CDH12: variants seen among roughly 807,000 people sequenced by gnomAD.
The protein encoded by CDH12 is cadherin-12.
CDH12 carries 41 observed loss-of-function variants against 74.1 expected under a neutral mutation model. That is an observed-to-expected ratio of 0.55 (90% CI 0.43 to 0.72). The LOEUF is 0.72. Ranked by LOEUF, CDH12 falls within the 30% of genes least tolerant of loss-of-function variation. The probability of loss-of-function intolerance (pLI) is 0.00; values close to 1 mark genes in which losing one functional copy is unlikely to be tolerated. For synonymous variants in CDH12, 399 were observed against 355.0 expected (o/e 1.12, Z -1.39); for missense variants, 945 against 977.2 (o/e 0.97, Z 0.44).
intron 6 of CDH12, among the ~76,000 whole-genome samples, chr5:21,862,771 A>G (rs923876059): frequency 6.6e-6 from 1 of 152,184 alleles, no homozygotes; most frequent in Non-Finnish European, 1.5e-5. Context: ...TATATTGAAT[A>G]TATGGCCTCT....
At chr5:22,273,100 T>C (rs1259802781) in intron 3 of CDH12, among the ~76,000 whole-genome samples, 1 of 152,060 alleles carries the variant, frequency 6.6e-6, no homozygotes, top group African/African-American at 2.4e-5. Context: ...CCCCAACATG[T>C]GGGGATTACA....
At chr5:22,599,536 T>C (rs1177568397) in intron 1 of CDH12, among the ~76,000 whole-genome samples, 7 of 152,128 alleles carry the variant, frequency 4.6e-5, no homozygotes, top group Admixed American at 4.6e-4. Flanking sequence ...TGAAGTTTTA[T>C]GTCCTTGGAT....
chr5:22,293,468 T>C (rs1037743912), intron 3 of CDH12, among the ~76,000 whole-genome samples: 4 of 152,172 alleles, frequency 2.6e-5, no homozygotes, highest in Non-Finnish European at 5.9e-5. Context: ...CACTATTAGG[T>C]ATATATCCAA....
At position 22,410,438 on chromosome 5, in the gene CDH12, G is replaced by A. The variant is rs143583202; in HGVS notation, c.-427-5087C>T. ...ACTCGCAGGGAAGAAATGTCACTGA[G>A]AGAGGCCAAGAAGAATCTGCACAGA... On this transcript the variant is annotated intron_variant, in intron 2 of 14. Coordinates refer to ENST00000382254, the MANE Select transcript of CDH12 (RefSeq NM_004061.5). Among the ~76,000 whole-genome samples, 1,101 of 152,206 alleles carry A rather than the reference G, an allele frequency of 7.2e-3. 8 individuals carry two copies. The highest frequency in any genetic ancestry group is 0.027 in the Middle Eastern group (8 of 294).
At position 22,276,602 on chromosome 5, in the gene CDH12, C is replaced by G. The variant is rs75590827; in HGVS notation, c.-332-63959G>C. 3.3e-3 allele frequency among the ~76,000 whole-genome samples: 508 copies of G among 152,262 alleles called. 1 individual carries two copies. Among genetic ancestry groups the G allele is most frequent in the African/African-American group, 0.012 (481 of 41,558 alleles). The stretch of plus-strand genomic sequence containing the variant: ...AATAATCATTCACTTTGCAAATGAA[C>G]GTTAACACTTGAAAAATAATAGTTA... On this transcript the variant is annotated intron_variant, in intron 3 of 14. Coordinates refer to ENST00000382254, the MANE Select transcript of CDH12 (RefSeq NM_004061.5).
intron 1 of CDH12, among the ~76,000 whole-genome samples, chr5:22,797,341 G>A (rs570245119): frequency 2.9e-4 from 44 of 152,258 alleles, no homozygotes; most frequent in Non-Finnish European, 5.9e-4. Context: ...CCAGAATGGT[G>A]AGAAGTAAAT....
intron 2 of CDH12, among the ~76,000 whole-genome samples, chr5:22,421,442 G>A (rs1743649163): frequency 6.6e-6 from 1 of 152,038 alleles, no homozygotes; most frequent in Non-Finnish European, 1.5e-5. Flanking sequence ...GCGGTGTTTG[G>A]TTTTCTGTTC....
intron 6 of CDH12, among the ~76,000 whole-genome samples, chr5:21,865,982 C>T (rs1365412797): frequency 6.6e-6 from 1 of 152,138 alleles, no homozygotes; most frequent in Non-Finnish European, 1.5e-5. Flanking sequence ...TGGTTTTCAC[C>T]ATACTGTTCT....
chr5:22,714,864 T>C (rs2126980043), intron 1 of CDH12, among the ~76,000 whole-genome samples: 1 of 152,342 alleles, frequency 6.6e-6, no homozygotes, highest in Non-Finnish European at 1.5e-5. Flanking sequence ...TTGTTGGTAT[T>C]TTTTGAATGC....
intron 3 of CDH12, among the ~76,000 whole-genome samples, chr5:22,254,316 T>G (rs916889954): frequency 1.3e-5 from 2 of 152,010 alleles, no homozygotes; most frequent in African/African-American, 4.8e-5. Context: ...TAAGAAATAG[T>G]AAAGGTATTT....
rs143566503 is a variant in CDH12 at position 21,952,250 on chromosome 5, T to C, written c.526+22841A>G. Reference sequence around the variant, plus strand: ...AAGTAGGGAGGTGGAGAATTTTGCATTGGAGTATACTGTTATCTTAACCTT... The same window carrying C: ...AAGTAGGGAGGTGGAGAATTTTGCACTGGAGTATACTGTTATCTTAACCTT... On this transcript the variant is annotated intron_variant, in intron 6 of 14. Coordinates refer to ENST00000382254, the MANE Select transcript of CDH12 (RefSeq NM_004061.5). 7.4e-3 allele frequency among the ~76,000 whole-genome samples: 1,124 copies of C among 152,206 alleles called. 9 individuals carry two copies. The highest frequency in any genetic ancestry group is 0.025 in the African/African-American group (1,055 of 41,536).
chr5:22,045,539 C>A (rs1739882934), intron 5 of CDH12, among the ~76,000 whole-genome samples: 1 of 146,624 alleles, frequency 6.8e-6, no homozygotes, highest in African/African-American at 2.5e-5. Flanking sequence ...TCAACTTTAG[C>A]ATTCTTTGAA....
At chr5:22,153,874 A>ATG (rs144342784) in intron 4 of CDH12, among the ~76,000 whole-genome samples, 1 of 52,244 alleles carries the variant, frequency 1.9e-5, no homozygotes, top group Non-Finnish European at 3.9e-5. Flanking sequence ...ATATATATGT[A>ATG]TATATATATA....
intron 2 of CDH12, among the ~76,000 whole-genome samples, chr5:22,417,361 T>C (rs1743441868): frequency 6.6e-6 from 1 of 152,170 alleles, no homozygotes; most frequent in Admixed American, 6.5e-5. Context: ...ATTGATGCAA[T>C]TACTGGGGGA....
At chr5:22,529,228 AG>A (rs1385726226) in intron 1 of CDH12, among the ~76,000 whole-genome samples, 1 of 146,992 alleles carries the variant, frequency 6.8e-6, no homozygotes, top group African/African-American at 2.5e-5. Context: ...GAGAGAGAAG[AG>A]AGAGAGAGAG....
intron 5 of CDH12, among the ~76,000 whole-genome samples, chr5:22,066,403 G>T (rs931153758): frequency 6.6e-6 from 1 of 152,072 alleles, no homozygotes; most frequent in Non-Finnish European, 1.5e-5. Flanking sequence ...AGACCTTTGG[G>T]GGACTACTGG....
chr5:22,392,950 C>T (rs1397677694), intron 3 of CDH12, among the ~76,000 whole-genome samples: 2 of 152,110 alleles, frequency 1.3e-5, no homozygotes, highest in African/African-American at 4.8e-5. Flanking sequence ...GCTACTCTCT[C>T]GGTCACCTCC....
intron 5 of CDH12, among the ~76,000 whole-genome samples, chr5:21,977,505 A>G (rs1209857860): frequency 6.6e-6 from 1 of 152,174 alleles, no homozygotes; most frequent in African/African-American, 2.4e-5. Flanking sequence ...CTCAAAGAAT[A>G]TATGGTAATA....
At chr5:21,918,216 A>T (rs1754189530) in intron 6 of CDH12, among the ~76,000 whole-genome samples, 1 of 152,154 alleles carries the variant, frequency 6.6e-6, no homozygotes, top group African/African-American at 2.4e-5. Flanking sequence ...TTACTTTATT[A>T]TTAATCACAG....
Sources: gnomAD v4.1 joint callset for allele counts (sites outside exome capture counted in the v4.1 genomes callset) on GRCh38, gnomAD v4.1.1 for gene constraint, MANE v1.5 for transcripts, NCBI Gene and HGNC (gene_info 2026-07-23, HGNC 2026-07-21) for gene names.